IMMP2L: variants seen among roughly 807,000 people sequenced by gnomAD.
IMMP2L encodes mitochondrial inner membrane protease subunit 2.
IMMP2L carries 18 observed loss-of-function variants against 19.3 expected under a neutral mutation model. The ratio of observed to expected loss-of-function variants is 0.93; its 90% CI spans 0.64 to 1.38. IMMP2L has a LOEUF of 1.38. Ranked by LOEUF, IMMP2L falls within the 40% of genes most tolerant of loss-of-function variation. The probability of loss-of-function intolerance (pLI) is 0.00; values close to 1 mark genes in which losing one functional copy is unlikely to be tolerated. For synonymous variants in IMMP2L, 76 were observed against 73.0 expected (o/e 1.04, Z -0.21); for missense variants, 233 against 218.2 (o/e 1.07, Z -0.43).
rs201089191 is a variant in IMMP2L at position 111,281,144 on chromosome 7, AAGAC to A, written c.239+206090_239+206093del. ...AAAGAGAGAAAGAGAGAAAGACAGAAAGACAGAAAGACAGAAAGAAAGAAAGAAA... is the reference window on the plus strand; with the variant it reads ...AAAGAGAGAAAGAGAGAAAGACAGAAAGAAAGACAGAAAGAAAGAAAGAAA... On this transcript the variant is annotated intron_variant, in intron 3 of 5. Transcript: ENST00000405709. Among the ~76,000 whole-genome samples the A allele has an allele frequency of 2.0e-3, 172 of 86,232 alleles. 3 individuals carry two copies. The highest frequency in any genetic ancestry group is 4.1e-3 in the African/African-American group (75 of 18,224). The allele number at this position is 86,232 out of a possible 152,430, so 56.6% of individuals were successfully genotyped here. A position where few individuals can be genotyped will look rare whatever the true frequency, so the allele number is the denominator to read the frequency against.
intron 3 of IMMP2L, among the ~76,000 whole-genome samples, chr7:111,356,438 A>C (rs1204544675): frequency 6.6e-6 from 1 of 152,166 alleles, no homozygotes; most frequent in Non-Finnish European, 1.5e-5. Context: ...AAGGATCTAC[A>C]TAGGTTATAA....
chr7:110,676,398 C>T (rs967385576), intron 5 of IMMP2L, among the ~76,000 whole-genome samples: 2 of 152,226 alleles, frequency 1.3e-5, no homozygotes, highest in African/African-American at 4.8e-5. Context: ...TGTATTTGGC[C>T]TGAGGGCCAT....
intron 3 of IMMP2L, among the ~76,000 whole-genome samples, chr7:111,021,318 A>T (rs2129566718): frequency 6.6e-6 from 1 of 152,352 alleles, no homozygotes; most frequent in South Asian, 2.1e-4. Context: ...AAGCCTCAGA[A>T]AATCCTATCT....
intron 3 of IMMP2L, among the ~76,000 whole-genome samples, chr7:111,316,235 G>A (rs1017704045): frequency 6.6e-6 from 1 of 152,098 alleles, no homozygotes; most frequent in Non-Finnish European, 1.5e-5. Flanking sequence ...ACAACTGGGT[G>A]GATGGTATAA....
chr7:110,933,557 AG>A (rs1354306170), intron 4 of IMMP2L, among the ~76,000 whole-genome samples: 1 of 152,188 alleles, frequency 6.6e-6, no homozygotes, highest in Non-Finnish European at 1.5e-5. Flanking sequence ...TTTTTAACAC[AG>A]GGCTCAAGAA....
intron 5 of IMMP2L, among the ~76,000 whole-genome samples, chr7:110,679,831 T>C (rs1427246421): frequency 6.6e-6 from 1 of 152,172 alleles, no homozygotes; most frequent in Non-Finnish European, 1.5e-5. Flanking sequence ...AAGTAACAAC[T>C]ACAAAGACCA....
At chr7:110,697,708 C>T (rs1327373672) in intron 5 of IMMP2L, among the ~76,000 whole-genome samples, 3 of 152,118 alleles carry the variant, frequency 2.0e-5, no homozygotes, top group African/African-American at 7.2e-5. Flanking sequence ...TTGGGAAGAT[C>T]ACTTAAGCCC....
At chr7:110,972,182 C>T (rs1820210181) in intron 3 of IMMP2L, among the ~76,000 whole-genome samples, 1 of 151,448 alleles carries the variant, frequency 6.6e-6, no homozygotes, top group African/African-American at 2.4e-5. Flanking sequence ...AAAAAAAATA[C>T]ATGATGCTTG....
At chr7:111,351,515 G>T (rs967621120) in intron 3 of IMMP2L, among the ~76,000 whole-genome samples, 7 of 152,078 alleles carry the variant, frequency 4.6e-5, no homozygotes, top group African/African-American at 1.7e-4. Flanking sequence ...ACTGCACTGT[G>T]TAACTCCCAA....
chr7:110,858,944 T>G (rs1807094702), intron 5 of IMMP2L, among the ~76,000 whole-genome samples: 1 of 152,162 alleles, frequency 6.6e-6, no homozygotes, highest in African/African-American at 2.4e-5. Context: ...CATCATTTTT[T>G]GTGGCTCCAT....
At chr7:111,124,327 C>A in intron 3 of IMMP2L, 1 of 1,613,620 alleles carries the variant, frequency 6.2e-7, no homozygotes, top group Non-Finnish European at 8.5e-7. Flanking sequence ...ATCTTTTCCA[C>A]AAGATAACAA....
At chr7:110,808,555 G>A (rs750396113) in intron 5 of IMMP2L, among the ~76,000 whole-genome samples, 3 of 152,032 alleles carry the variant, frequency 2.0e-5, no homozygotes, top group Non-Finnish European at 2.9e-5. Flanking sequence ...CTGTGCACAG[G>A]GGGCATTTGG....
At chr7:111,218,914 T>A (rs1812238524) in intron 3 of IMMP2L, among the ~76,000 whole-genome samples, 1 of 151,938 alleles carries the variant, frequency 6.6e-6, no homozygotes, top group Non-Finnish European at 1.5e-5. Context: ...TAATAAATAC[T>A]TTTCTTAAAA....
At chr7:110,815,889 C>A (rs1004172980) in intron 5 of IMMP2L, among the ~76,000 whole-genome samples, 2 of 152,030 alleles carry the variant, frequency 1.3e-5, no homozygotes, top group African/African-American at 4.8e-5. Flanking sequence ...AGCGGTCTAT[C>A]AATTTTCTTG....
intron 3 of IMMP2L, among the ~76,000 whole-genome samples, chr7:111,159,819 T>C (rs527969323): frequency 3.1e-4 from 47 of 152,286 alleles, no homozygotes; most frequent in African/African-American, 1.1e-3. Flanking sequence ...ACCTCAAATA[T>C]TATTACTTAA....
chr7:111,348,340 T>A (rs1827788453), intron 3 of IMMP2L, among the ~76,000 whole-genome samples: 1 of 152,104 alleles, frequency 6.6e-6, no homozygotes, highest in Non-Finnish European at 1.5e-5. Flanking sequence ...TCTAAAGTGC[T>A]TATATAAAAT....
chr7:110,973,528 A>T (rs1487023429), intron 3 of IMMP2L, among the ~76,000 whole-genome samples: 1 of 152,122 alleles, frequency 6.6e-6, no homozygotes, highest in Non-Finnish European at 1.5e-5. Flanking sequence ...AACAGTGAGT[A>T]TGTTGAGGCT....
intron 3 of IMMP2L, among the ~76,000 whole-genome samples, chr7:111,290,515 A>T (rs921193573): frequency 2.0e-5 from 3 of 152,116 alleles, no homozygotes; most frequent in African/African-American, 7.2e-5. Context: ...AAAAAAAAAA[A>T]AAATGAATGA....
At chr7:110,792,270 C>A (rs74668367) in intron 5 of IMMP2L, among the ~76,000 whole-genome samples, 3,406 of 151,676 alleles carry the variant, frequency 0.022, 59 homozygotes, top group Non-Finnish European at 0.036. Flanking sequence ...TACATACTTA[C>A]CTCCTAGAGT....
Sources: gnomAD v4.1 joint callset for allele counts (sites outside exome capture counted in the v4.1 genomes callset) on GRCh38, gnomAD v4.1.1 for gene constraint, MANE v1.5 for transcripts, NCBI Gene and HGNC (gene_info 2026-07-23, HGNC 2026-07-21) for gene names.